KCNU1: variants seen among roughly 807,000 people sequenced by gnomAD.
The protein encoded by KCNU1 is potassium calcium-activated channel subfamily U member 1.
KCNU1 carries 93 observed loss-of-function variants against 126.8 expected under a neutral mutation model. The ratio of observed to expected loss-of-function variants is 0.73; its 90% confidence interval spans 0.62 to 0.87. KCNU1 has a LOEUF of 0.87. Ranked by LOEUF, KCNU1 falls within the 40% of genes least tolerant of loss-of-function variation. KCNU1 has a pLI of 0.00. For synonymous variants in KCNU1, 523 were observed against 494.2 expected (o/e 1.06, Z -0.77); for missense variants, 1,330 against 1,367.1 (o/e 0.97, Z 0.43).
chr8:36,894,218 T>C (rs762344230), intron 19 of KCNU1, among the ~76,000 whole-genome samples: 6 of 152,158 alleles, frequency 3.9e-5, no homozygotes, highest in Non-Finnish European at 5.9e-5. Flanking sequence ...AAGTATACTG[T>C]GGTAAAAGAC....
chr8:36,836,261 C>T (rs1487336897), intron 12 of KCNU1, 35 bp from the exon 13 acceptor site: 1 of 1,357,482 alleles, frequency 7.4e-7, no homozygotes, highest in South Asian at 1.2e-5. Context: ...TTGGCTATGA[C>T]ACATGACTAA....
intron 18 of KCNU1, among the ~76,000 whole-genome samples, chr8:36,858,291 G>A (rs2117316121): frequency 6.6e-6 from 1 of 150,532 alleles, no homozygotes; most frequent in South Asian, 2.1e-4. Context: ...TGAATCTGAA[G>A]ATTATTTTTT....
intron 19 of KCNU1, among the ~76,000 whole-genome samples, chr8:36,904,326 C>G (rs1296457041): frequency 1.3e-5 from 2 of 152,150 alleles, no homozygotes; most frequent in African/African-American, 4.8e-5. Flanking sequence ...GAGAACTTCA[C>G]CTGAGAGCTT....
chr8:36,794,091 G>A (rs575738851), intron 2 of KCNU1, among the ~76,000 whole-genome samples: 2 of 149,422 alleles, frequency 1.3e-5, no homozygotes, highest in South Asian at 4.3e-4. Flanking sequence ...CTATATGTTA[G>A]GACAATAAAT....
At chr8:36,923,098 G>T in intron 24 of KCNU1, 1 of 456,156 alleles carries the variant, frequency 2.2e-6, no homozygotes, top group Non-Finnish European at 4.4e-6. Flanking sequence ...TCCTCTCATG[G>T]GGGGCATTCT....
At chr8:36,851,373 T>TTCTCTCTCTCTCTCTCTC (rs767473600) in intron 18 of KCNU1, among the ~76,000 whole-genome samples, 1 of 140,276 alleles carries the variant, frequency 7.1e-6, no homozygotes, top group Non-Finnish European at 1.6e-5. Context: ...GGCACTTCCC[T>TTCTCTCTCTCTCTCTCTC]TCTCTCTCTC....
At chr8:36,864,228 C>A (rs1268726322) in intron 18 of KCNU1, among the ~76,000 whole-genome samples, 176 bp from the exon 19 acceptor site, 1 of 152,118 alleles carries the variant, frequency 6.6e-6, no homozygotes, top group Non-Finnish European at 1.5e-5. Flanking sequence ...CTCCCTAATT[C>A]TGTAGAAGGA....
chr8:36,862,966 C>T (rs1805783142), intron 18 of KCNU1, among the ~76,000 whole-genome samples: 1 of 152,116 alleles, frequency 6.6e-6, no homozygotes, highest in Non-Finnish European at 1.5e-5. Context: ...GAGCCATTCC[C>T]CCCAGGGCAA....
intron 1 of KCNU1, among the ~76,000 whole-genome samples, chr8:36,785,581 C>T (rs1002207784): frequency 1.3e-5 from 2 of 152,016 alleles, no homozygotes; most frequent in African/African-American, 4.8e-5. Flanking sequence ...AGATTTTGTT[C>T]CTAAACAAGT....
chr8:36,854,410 CT>C (rs1300004595), intron 18 of KCNU1, among the ~76,000 whole-genome samples: 1 of 150,458 alleles, frequency 6.6e-6, no homozygotes, highest in African/African-American at 2.4e-5. Context: ...TTCTTAATTC[CT>C]TTTTTCTTCT....
At chr8:36,829,149 G>A (rs1804435308) in intron 10 of KCNU1, among the ~76,000 whole-genome samples, 1 of 152,004 alleles carries the variant, frequency 6.6e-6, no homozygotes, top group Non-Finnish European at 1.5e-5. Context: ...TTTTAGGGAT[G>A]TGTAATATAT....
chr8:36,831,386 G>C (rs1241570344), intron 10 of KCNU1, among the ~76,000 whole-genome samples: 1 of 151,572 alleles, frequency 6.6e-6, no homozygotes, highest in Admixed American at 6.6e-5. Context: ...CAGTGTAAAA[G>C]TGTTCCTATT....
intron 19 of KCNU1, among the ~76,000 whole-genome samples, chr8:36,879,613 C>T (rs1003610789): frequency 6.6e-6 from 1 of 152,058 alleles, no homozygotes; most frequent in Non-Finnish European, 1.5e-5. Flanking sequence ...AGGAAGGCTT[C>T]CTGCAGGAGG....
chr8:36,894,675 C>T (rs1250879270), intron 19 of KCNU1, among the ~76,000 whole-genome samples: 3 of 151,998 alleles, frequency 2.0e-5, no homozygotes, highest in Admixed American at 1.3e-4. Flanking sequence ...ACCTAAATGG[C>T]CTCTGTGAAT....
intron 19 of KCNU1, among the ~76,000 whole-genome samples, chr8:36,871,151 A>G (rs1806088592): frequency 2.6e-5 from 4 of 152,186 alleles, no homozygotes; most frequent in Admixed American, 2.6e-4. Flanking sequence ...TAGAGGTAGG[A>G]TTGAAAATAT....
chr8:36,912,283 T>G (rs1221561958), intron 22 of KCNU1, among the ~76,000 whole-genome samples: 1 of 152,208 alleles, frequency 6.6e-6, no homozygotes, highest in African/African-American at 2.4e-5. Flanking sequence ...ACTGTTGCTA[T>G]GCAAGAAAAT....
At chr8:36,838,017 A>G (rs189760785) in intron 14 of KCNU1, among the ~76,000 whole-genome samples, 29 of 152,326 alleles carry the variant, frequency 1.9e-4, no homozygotes, top group African/African-American at 6.5e-4. Context: ...CTGGCCAGCT[A>G]TATCCTAACT....
At position 36,872,218 on chromosome 8, in the gene KCNU1, G is replaced by A. The variant is rs181137124; in HGVS notation, c.2009+7697G>A. The stretch of plus-strand genomic sequence containing the variant: ...ATAAAATATTAACCCTTCTGGGGCA[G>A]CTTCCCTTTCATCATGGATCAGGGA... On this transcript the variant is annotated intron_variant, in intron 19 of 26. Coordinates refer to ENST00000399881, the MANE Select transcript of KCNU1 (RefSeq NM_001031836.3). 1.0e-3 allele frequency among the ~76,000 whole-genome samples: 153 copies of A among 152,220 alleles called. 1 individual carries two copies. The highest frequency in any genetic ancestry group is 3.5e-3 in the African/African-American group (147 of 41,540).
At chr8:36,831,947 A>C (rs1484916061) in intron 10 of KCNU1, among the ~76,000 whole-genome samples, 3 of 152,204 alleles carry the variant, frequency 2.0e-5, no homozygotes, top group Non-Finnish European at 4.4e-5. Flanking sequence ...ATAATGTGTG[A>C]GGAAGGGATC....
Sources: gnomAD v4.1 joint callset for allele counts (sites outside exome capture counted in the v4.1 genomes callset) on GRCh38, gnomAD v4.1.1 for gene constraint, MANE v1.5 for transcripts, NCBI Gene and HGNC (gene_info 2026-07-23, HGNC 2026-07-21) for gene names.